ASCC3: variants seen among roughly 807,000 people sequenced by gnomAD.
The protein encoded by ASCC3 is ASC-1 complex subunit P200.
Under a neutral mutation model 256.3 loss-of-function variants are expected in ASCC3, and 158 were observed. The observed-to-expected ratio is 0.62, with a 90% CI of 0.54 to 0.70. The LOEUF (loss-of-function observed/expected upper bound fraction) is 0.70, where lower values mean the gene tolerates loss of function less well. Among genes scored for constraint, ASCC3 ranks in the 30% least tolerant of loss-of-function variants. The probability of loss-of-function intolerance (pLI) is 0.00; values close to 1 mark genes in which losing one functional copy is unlikely to be tolerated. For synonymous variants in ASCC3, 948 were observed against 883.4 expected (o/e 1.07, Z -1.30); for missense variants, 2,259 against 2,626.0 (o/e 0.86, Z 3.05).
At position 100,513,286 on chromosome 6, in the gene ASCC3, C is replaced by T. The variant is rs79244096; in HGVS notation, c.6076-368G>A. On this transcript the variant is annotated intron_variant, in intron 39 of 41. Coordinates refer to ENST00000369162, the MANE Select transcript of ASCC3 (RefSeq NM_006828.4). ...TAAAAATAACTAAAAGAGGGCTTAT[C>T]ATTATTTAAACTTGTGATTCCTTTA... Among the ~76,000 whole-genome samples the T allele has an allele frequency of 7.7e-3, 1,168 of 152,236 alleles. 21 individuals carry two copies. The highest frequency in any genetic ancestry group is 0.027 in the African/African-American group (1,111 of 41,546).
intron 10 of ASCC3, among the ~76,000 whole-genome samples, chr6:100,763,630 AGAT>A (rs1781512970): frequency 6.6e-6 from 1 of 152,200 alleles, no homozygotes; most frequent in Non-Finnish European, 1.5e-5. Flanking sequence ...AGGGAACCTT[AGAT>A]CTAGATAAAA....
intron 10 of ASCC3, among the ~76,000 whole-genome samples, chr6:100,763,167 G>C (rs1434325568): frequency 2.0e-5 from 3 of 152,156 alleles, no homozygotes; most frequent in Non-Finnish European, 4.4e-5. Flanking sequence ...TAATCTCAAA[G>C]GCAGTGACAG....
At chr6:100,810,723 T>A (rs1316321109) in intron 4 of ASCC3, among the ~76,000 whole-genome samples, 1 of 152,140 alleles carries the variant, frequency 6.6e-6, no homozygotes, top group Non-Finnish European at 1.5e-5. Flanking sequence ...GGATGAAGAT[T>A]AAGTTTTTGA....
intron 36 of ASCC3, among the ~76,000 whole-genome samples, chr6:100,548,248 C>T (rs1769091418): frequency 6.6e-6 from 1 of 151,706 alleles, no homozygotes; most frequent in African/African-American, 2.4e-5. Flanking sequence ...CGATGGAACC[C>T]CTTAGAGAGT....
chr6:100,853,427 T>C (rs976183920), intron 3 of ASCC3, among the ~76,000 whole-genome samples: 3 of 144,768 alleles, frequency 2.1e-5, no homozygotes, highest in Non-Finnish European at 3.0e-5. Flanking sequence ...TTCCTTTTTT[T>C]TTTTTTTTTT....
chr6:100,835,192 T>C (rs1666167999), intron 4 of ASCC3, among the ~76,000 whole-genome samples: 1 of 152,058 alleles, frequency 6.6e-6, no homozygotes, highest in Non-Finnish European at 1.5e-5. Context: ...TTCTCAGAAA[T>C]AGTTTGCAAA....
intron 13 of ASCC3, among the ~76,000 whole-genome samples, chr6:100,707,070 T>C (rs531838755): frequency 9.2e-5 from 14 of 152,094 alleles, no homozygotes; most frequent in Non-Finnish European, 1.3e-4. Context: ...ACAAGTATGT[T>C]AAAACTTTGA....
At chr6:100,617,020 G>T (rs1490617556) in intron 30 of ASCC3, among the ~76,000 whole-genome samples, 1 of 151,520 alleles carries the variant, frequency 6.6e-6, no homozygotes, top group East Asian at 2.0e-4. Context: ...TGTTGTTGTT[G>T]TTGAGACAGA....
At chr6:100,743,338 G>A (rs544475599) in intron 10 of ASCC3, among the ~76,000 whole-genome samples, 4 of 152,192 alleles carry the variant, frequency 2.6e-5, no homozygotes, top group Admixed American at 6.5e-5. Context: ...CTTTCATTCC[G>A]CTTCATGATT....
chr6:100,542,743 T>C (rs1316910789), intron 36 of ASCC3, among the ~76,000 whole-genome samples: 1 of 151,890 alleles, frequency 6.6e-6, no homozygotes, highest in Non-Finnish European at 1.5e-5. Flanking sequence ...CTAAATTCAG[T>C]GAAAATAAAT....
intron 36 of ASCC3, among the ~76,000 whole-genome samples, chr6:100,571,459 A>G (rs1035412557): frequency 2.5e-4 from 38 of 152,266 alleles, no homozygotes; most frequent in Admixed American, 1.3e-3. Flanking sequence ...CAACTCCACT[A>G]TAACTATAAG....
chr6:100,748,204 T>G (rs12212435), intron 10 of ASCC3, among the ~76,000 whole-genome samples: 1 of 151,518 alleles, frequency 6.6e-6, no homozygotes, highest in Non-Finnish European at 1.5e-5. Flanking sequence ...AATAATCTAC[T>G]TTTTCTTTTG....
chr6:100,558,956 GAT>G (rs1769778657), intron 36 of ASCC3, among the ~76,000 whole-genome samples: 1 of 152,164 alleles, frequency 6.6e-6, no homozygotes, highest in South Asian at 2.1e-4. Context: ...CTCTTCTTGA[GAT>G]ATACATTGAG....
Position 100,602,061 on chromosome 6 carries a change from T to C in ASCC3, c.5178-126A>G, listed in dbSNP as rs550738504. 1.5e-5 allele frequency: 14 copies of C among 921,530 alleles called. No individual in the cohort carries two copies. The Admixed American group carries it at 3.0e-4, about 20-fold the overall frequency. The allele number at this position is 921,530 out of a possible 1,614,324, so 57.1% of individuals were successfully genotyped here. A position where few individuals can be genotyped will look rare whatever the true frequency, so the allele number is the denominator to read the frequency against. ...AAAAACAAATTTGTTTTATATAACTTAAATATTTAGTATATAATTTTGTAT... is the reference window on the plus strand; with the variant it reads ...AAAAACAAATTTGTTTTATATAACTCAAATATTTAGTATATAATTTTGTAT... On this transcript the variant is annotated intron_variant, in intron 33 of 41. Transcript: ENST00000369162.
intron 37 of ASCC3, among the ~76,000 whole-genome samples, chr6:100,538,463 T>C (rs576830319): frequency 2.0e-5 from 3 of 152,288 alleles, no homozygotes; most frequent in Non-Finnish European, 4.4e-5. Flanking sequence ...ATTCTTCAGT[T>C]TCTAAAACAA....
chr6:100,587,297 T>C (rs1351407683), intron 36 of ASCC3, among the ~76,000 whole-genome samples: 2 of 149,156 alleles, frequency 1.3e-5, no homozygotes, highest in Non-Finnish European at 3.0e-5. Flanking sequence ...AGTCTTTTCA[T>C]GGTAAAAAAA....
chr6:100,717,940 A>C (rs1253811388), intron 12 of ASCC3, 135 bp downstream of exon 12: 8 of 721,662 alleles, frequency 1.1e-5, no homozygotes, highest in South Asian at 1.8e-5. Flanking sequence ...AATGTGATTC[A>C]ATGTTCTGCA....
At chr6:100,601,691 T>C in intron 34 of ASCC3, 119 bp downstream of exon 34, 1 of 1,148,646 alleles carries the variant, frequency 8.7e-7, no homozygotes, top group Non-Finnish European at 1.3e-6. Flanking sequence ...CAAATTCATA[T>C]ACCTAGAATC....
chr6:100,617,445 T>C (rs891742008), intron 30 of ASCC3, among the ~76,000 whole-genome samples: 5 of 152,312 alleles, frequency 3.3e-5, no homozygotes, highest in African/African-American at 1.2e-4. Context: ...GACTGCAGAA[T>C]ATTGGGTGGA....
Sources: allele counts gnomAD v4.1 joint callset (sites outside exome capture counted in the v4.1 genomes callset), GRCh38; gene constraint gnomAD v4.1.1; transcripts MANE v1.5; gene names NCBI Gene and HGNC (gene_info 2026-07-23, HGNC 2026-07-21).